COL21A1: variants seen among roughly 807,000 people sequenced by gnomAD.
The protein encoded by COL21A1 is collagen alpha-1(XXI) chain.
Under a neutral mutation model 137.9 loss-of-function variants are expected in COL21A1, and 149 were observed. That is an observed-to-expected ratio of 1.08 (90% confidence interval 0.95 to 1.24). The LOEUF (loss-of-function observed/expected upper bound fraction) is 1.24, where lower values mean the gene tolerates loss of function less well. Among genes scored for constraint, COL21A1 ranks in the 50% most tolerant of loss-of-function variants. The pLI is 0.00. For synonymous variants in COL21A1, 456 were observed against 391.5 expected (o/e 1.16, Z -1.95); for missense variants, 1,167 against 1,158.4 (o/e 1.01, Z -0.11).
At chr6:56,109,019 A>T (rs545337320) in intron 16 of COL21A1, among the ~76,000 whole-genome samples, 191 of 151,886 alleles carry the variant, frequency 1.3e-3, no homozygotes, top group Admixed American at 2.4e-3. Context: ...AATTTATTTT[A>T]AAAAAAGTTA....
At chr6:56,356,027 A>G (rs1488886143) in intron 1 of COL21A1, among the ~76,000 whole-genome samples, 1 of 152,246 alleles carries the variant, frequency 6.6e-6, no homozygotes, top group African/African-American at 2.4e-5. Context: ...GGGTTTTTCA[A>G]TATTTCCTGA....
intron 9 of COL21A1, among the ~76,000 whole-genome samples, chr6:56,159,146 C>T (rs974897348): frequency 3.9e-5 from 6 of 152,068 alleles, no homozygotes; most frequent in African/African-American, 1.4e-4. Context: ...TTTTTCCACT[C>T]TAGAGTTAAT....
upstream of COL21A1, among the ~76,000 whole-genome samples, chr6:56,252,320 A>G (rs941407890): frequency 2.6e-5 from 4 of 152,154 alleles, no homozygotes; most frequent in Non-Finnish European, 4.4e-5. Flanking sequence ...TCTGCCTTCT[A>G]TCTTCCTTTG....
intron 1 of COL21A1, among the ~76,000 whole-genome samples, chr6:56,292,612 C>T (rs960306003): frequency 2.6e-5 from 4 of 152,114 alleles, no homozygotes; most frequent in African/African-American, 9.7e-5. Context: ...CAAGGGATAC[C>T]AGGTGGGAGA....
Position 56,362,962 on chromosome 6 carries a change from C to T in COL21A1, c.-39+31009G>A, listed in dbSNP as rs535624285. ...TTATCACAATGATGCCTTTCTCCCACCTTCTTTGCAACATCTCTGCCCTGA... is the reference window on the plus strand; with the variant it reads ...TTATCACAATGATGCCTTTCTCCCATCTTCTTTGCAACATCTCTGCCCTGA... On this transcript the variant is annotated intron_variant, in intron 1 of 28. Coordinates refer to the COL21A1 transcript ENST00000370819. Among the ~76,000 whole-genome samples the T allele has an allele frequency of 5.3e-5, 8 of 152,342 alleles. No individual in the cohort carries two copies. In the South Asian group the frequency reaches 8.3e-4, roughly 16 times the overall value.
At chr6:56,274,405 T>C (rs1427325771) in intron 1 of COL21A1, among the ~76,000 whole-genome samples, 4 of 152,110 alleles carry the variant, frequency 2.6e-5, no homozygotes, top group Non-Finnish European at 5.9e-5. Context: ...GGCATCCAAA[T>C]AGGAAAAGAA....
chr6:56,156,794 C>T, intron 10 of COL21A1, 93 bp downstream of exon 10: 5 of 1,027,318 alleles, frequency 4.9e-6, no homozygotes, highest in Non-Finnish European at 5.9e-6. Context: ...ATGAATAAAG[C>T]TTTCCTTGTC....
intron 17 of COL21A1, among the ~76,000 whole-genome samples, chr6:56,083,086 C>T (rs961990735): frequency 6.6e-6 from 1 of 151,932 alleles, no homozygotes; most frequent in African/African-American, 2.4e-5. Context: ...AAACAACACA[C>T]ATTTATTATC....
chr6:56,332,682 A>G (rs1325061522), intron 1 of COL21A1, among the ~76,000 whole-genome samples: 2 of 151,202 alleles, frequency 1.3e-5, no homozygotes, highest in African/African-American at 4.9e-5. Flanking sequence ...ACACTAGGTT[A>G]TATGTTTTTT....
rs537943605 is a variant in COL21A1 at position 56,201,634 on chromosome 6, A to C, written c.-38-18978T>G. Reference sequence around the variant, plus strand: ...AGTTGTAGATATGCGGCATTTAAAAATTTAAGAATTCATTTGTATGTGTCT... The same window carrying C: ...AGTTGTAGATATGCGGCATTTAAAACTTTAAGAATTCATTTGTATGTGTCT... On this transcript the variant is annotated intron_variant, in intron 1 of 29. Coordinates refer to ENST00000244728, the MANE Select transcript of COL21A1 (RefSeq NM_030820.4). Among the ~76,000 whole-genome samples the C allele has an allele frequency of 2.6e-5, 4 of 152,184 alleles. No individual in the cohort carries two copies. The South Asian group carries it at 8.3e-4, about 32-fold the overall frequency.
At position 56,056,906 on chromosome 6, in the gene COL21A1, C is replaced by T. The variant is rs1230835782; in HGVS notation, c.*751G>A. On this transcript the variant is annotated 3_prime_UTR_variant, in exon 30 of 30. Coordinates refer to ENST00000244728, the MANE Select transcript of COL21A1 (RefSeq NM_030820.4). Reference sequence around the variant, plus strand: ...TACAACAAACATTCCGATTAATCAACAAGTATAAAATAGTCTTTTAGTACT... The same window carrying T: ...TACAACAAACATTCCGATTAATCAATAAGTATAAAATAGTCTTTTAGTACT... The T allele has an allele frequency of 6.6e-6, 1 of 152,152 alleles. No individual in the cohort carries two copies. Among genetic ancestry groups the T allele is most frequent in the African/African-American group, 2.4e-5 (1 of 41,442 alleles). 9.4% of individuals were successfully genotyped at this position (152,152 alleles called of 1,614,324 possible).
intron 1 of COL21A1, among the ~76,000 whole-genome samples, chr6:56,327,495 A>T (rs1341349505): frequency 2.6e-5 from 4 of 152,066 alleles, no homozygotes; most frequent in African/African-American, 9.7e-5. Context: ...ATTCAGAAAC[A>T]AACAGGTGGC....
intron 1 of COL21A1, among the ~76,000 whole-genome samples, chr6:56,183,502 C>T (rs1778050470): frequency 6.6e-6 from 1 of 152,162 alleles, no homozygotes; most frequent in South Asian, 2.1e-4. Flanking sequence ...AACAAGCATT[C>T]CTTCATTCAG....
At chr6:56,256,698 T>G (rs887789395) in intron 1 of COL21A1, among the ~76,000 whole-genome samples, 1 of 151,772 alleles carries the variant, frequency 6.6e-6, no homozygotes, top group Admixed American at 6.6e-5. Flanking sequence ...TAATATTTTT[T>G]AAAAATTTTA....
At chr6:56,203,585 C>A (rs1315768020) in intron 1 of COL21A1, among the ~76,000 whole-genome samples, 1 of 152,180 alleles carries the variant, frequency 6.6e-6, no homozygotes, top group Admixed American at 6.5e-5. Flanking sequence ...CTGTCAAAAT[C>A]TACTGGGATT....
At chr6:56,228,949 T>C (rs977419622) in intron 1 of COL21A1, among the ~76,000 whole-genome samples, 1 of 151,924 alleles carries the variant, frequency 6.6e-6, no homozygotes, top group Admixed American at 6.6e-5. Context: ...TGCAAAAAAA[T>C]GCAAAACTAT....
intron 1 of COL21A1, among the ~76,000 whole-genome samples, chr6:56,284,268 G>T (rs560314189): frequency 6.6e-6 from 1 of 152,200 alleles, no homozygotes; most frequent in South Asian, 2.1e-4. Flanking sequence ...TGCCCAGGCT[G>T]GTCTCTAACG....
intron 1 of COL21A1, among the ~76,000 whole-genome samples, chr6:56,274,163 A>G (rs2152332868): frequency 6.6e-6 from 1 of 152,300 alleles, no homozygotes; most frequent in East Asian, 1.9e-4. Flanking sequence ...ATAAAATCCA[A>G]CATCCCTTCA....
At position 56,282,486 on chromosome 6, in the gene COL21A1, T is replaced by C. The variant is rs568792653; in HGVS notation, c.-38-99830A>G. Among the ~76,000 whole-genome samples, 6 of 152,330 alleles carry C rather than the reference T, an allele frequency of 3.9e-5. No homozygotes were observed. The South Asian group carries it at 6.2e-4, about 16-fold the overall frequency. On this transcript the variant is annotated intron_variant, in intron 1 of 28. Transcript: ENST00000370819. The stretch of plus-strand genomic sequence containing the variant: ...ACTATTGTTCTATTATTATGAAATA[T>C]GTTCAGTCAGATGAAGAGGCCTGGA...
Sources: gnomAD v4.1 joint callset for allele counts (sites outside exome capture counted in the v4.1 genomes callset) on GRCh38, gnomAD v4.1.1 for gene constraint, MANE v1.5 for transcripts, NCBI Gene and HGNC (gene_info 2026-07-23, HGNC 2026-07-21) for gene names.